ILDR2: variants seen among roughly 807,000 people sequenced by gnomAD.
ILDR2 encodes immunoglobulin like domain containing receptor 2, also known as immunoglobulin-like domain-containing receptor 2.
In ILDR2, 25 loss-of-function variants were observed where a neutral mutation model predicts 66.8. The observed-to-expected ratio is 0.37, with a 90% CI of 0.27 to 0.52. The LOEUF (loss-of-function observed/expected upper bound fraction) is 0.52, where lower values mean the gene tolerates loss of function less well. ILDR2 is among the 20% of genes least tolerant of loss of function. The pLI, the probability that ILDR2 is intolerant of heterozygous loss-of-function variation, is 0.88. For synonymous variants in ILDR2, 367 were observed against 357.2 expected, an observed-to-expected ratio of 1.03 and a Z score of -0.31; for missense variants, 827 against 876.8, an observed-to-expected ratio of 0.94 and a Z score of 0.72.
At chr1:166,899,851 T>C (rs575716258) in intron 2 of ILDR2, among the ~76,000 whole-genome samples, 1 of 152,296 alleles carries the variant, frequency 6.6e-6, no homozygotes, top group Non-Finnish European at 1.5e-5. Context: ...GAGAGCAGAA[T>C]GCAAACAGAT....
At chr1:166,926,629 C>T (rs2101873033) in intron 7 of ILDR2, among the ~76,000 whole-genome samples, 1 of 151,676 alleles carries the variant, frequency 6.6e-6, no homozygotes, top group African/African-American at 2.4e-5. Flanking sequence ...TAAGACATTA[C>T]TTTGAATATA....
rs1659690020 is a variant in ILDR2, at chr1:166,917,542, T to A, written c.*1813A>T. 1 of 152,204 alleles carries A rather than the reference T, an allele frequency of 6.6e-6. No homozygotes were observed. The highest frequency in any genetic ancestry group is 2.1e-4 in the South Asian group (1 of 4,826). The allele number at this position is 152,204 out of a possible 1,614,324, so 9.4% of individuals were successfully genotyped here. A position where few individuals can be genotyped will look rare whatever the true frequency, so the allele number is the denominator to read the frequency against. On this transcript the variant is annotated 3_prime_UTR_variant, in exon 10 of 10. Transcript: ENST00000271417. ...GGGATAGCAAAGTCAAGCATTATCC[T>A]CCACTCCACAAGAGTGCAGGGTGAA...
intron 1 of ILDR2, among the ~76,000 whole-genome samples, chr1:166,972,000 T>A (rs1193722895): frequency 2.0e-5 from 3 of 151,266 alleles, no homozygotes; most frequent in African/African-American, 7.3e-5. Context: ...TCACCTGGGG[T>A]TGGGAGTTTG....
At position 166,909,781 on chromosome 1, in the gene ILDR2, T is replaced by TATATATATATA. The variant is rs1557921377; in HGVS notation, c.*9573_*9574insTATATATATAT. On this transcript the variant is annotated 3_prime_UTR_variant, in exon 10 of 10. Transcript: ENST00000271417. ...TATAAATATATATAAATATATATAT[T>TATATATATATA]TATATATATATATATATATATATAT... 3.6e-4 allele frequency: 23 copies of TATATATATATA among 64,236 alleles called. 1 individual carries two copies. Among genetic ancestry groups the TATATATATATA allele is most frequent in the Non-Finnish European group, 4.6e-4 (16 of 34,818 alleles). 4.0% of individuals were successfully genotyped at this position (64,236 alleles called of 1,614,324 possible).
At chr1:166,962,755 A>T (rs987084283) in intron 1 of ILDR2, among the ~76,000 whole-genome samples, 1 of 152,156 alleles carries the variant, frequency 6.6e-6, no homozygotes, top group Non-Finnish European at 1.5e-5. Flanking sequence ...GATGCCAAAA[A>T]CCAGGTACCA....
Position 166,920,922 on chromosome 1 carries a change from G to C in ILDR2, c.1669C>G (p.Gln557Glu). The C allele has an allele frequency of 5.4e-6, 8 of 1,477,576 alleles. No individual in the cohort carries two copies. The South Asian group carries it at 1.0e-4, about 19-fold the overall frequency. 91.5% of individuals were successfully genotyped at this position (1,477,576 alleles called of 1,614,324 possible). A position where few individuals can be genotyped will look rare whatever the true frequency, so the allele number is the denominator to read the frequency against. ...TAGGAGGCGCTGCGCGGGCCGAGCT[G>C]CGCGCTCCGCTTGGATGGCGTCTCC... ...SLETPSKRSA[Q>E]LGPRSASYYA... is the part of the protein sequence containing the mutation. Residue 557 changes from glutamine (Q) to glutamate (E), a missense_variant, in exon 9 of 10, where the codon CAG becomes GAG. By Grantham distance (29) the Gln-to-Glu change is conservative (BLOSUM62 2). This residue lies in a region of ILDR2 where 390 missense variants were observed against 353.6 expected (regional missense o/e 1.10). Coordinates refer to ENST00000271417, the MANE Select transcript of ILDR2 (RefSeq NM_199351.3).
chr1:166,960,062 C>T (rs1662517922), intron 1 of ILDR2, among the ~76,000 whole-genome samples: 1 of 152,166 alleles, frequency 6.6e-6, no homozygotes, highest in Non-Finnish European at 1.5e-5. Flanking sequence ...TACTGAAGGA[C>T]CCTTGACAAG....
rs1438240429 is a variant in ILDR2, at chr1:166,921,636, T to C, written c.1212-257A>G. Among the ~76,000 whole-genome samples the C allele has an allele frequency of 1.3e-5, 2 of 152,210 alleles. No homozygotes were observed. The highest frequency in any genetic ancestry group is 2.9e-5 in the Non-Finnish European group (2 of 68,026). On this transcript the variant is annotated intron_variant, in intron 8 of 9. Transcript: ENST00000271417. The surrounding 1 kb of genome is among the most constrained non-coding windows in gnomAD (Gnocchi z 5.3). ...TGGATAGAACATATTCTGTATCCTA[T>C]GGAATACTGACCCACCGTGGGGCTG...
At position 166,920,695 on chromosome 1, in the gene ILDR2, A is replaced by T. The variant is rs533045072; in HGVS notation, c.1884+12T>A. The T allele has an allele frequency of 1.4e-6, 2 of 1,380,752 alleles. No individual in the cohort carries two copies. Among genetic ancestry groups the T allele is most frequent in the Non-Finnish European group, 1.9e-6 (2 of 1,062,716 alleles). 85.5% of individuals were successfully genotyped at this position (1,380,752 alleles called of 1,614,324 possible). Reference sequence around the variant, plus strand: ...AGTCCCCTCGGAGGAGGGGAGGCAGACGCAGTCTCACGGTTTTCTTGGCGG... The same window carrying T: ...AGTCCCCTCGGAGGAGGGGAGGCAGTCGCAGTCTCACGGTTTTCTTGGCGG... On this transcript the variant is annotated intron_variant, in intron 9 of 9. Coordinates refer to ENST00000271417, the MANE Select transcript of ILDR2 (RefSeq NM_199351.3).
chr1:166,926,024 T>A (rs769486152), intron 7 of ILDR2, among the ~76,000 whole-genome samples: 2 of 152,178 alleles, frequency 1.3e-5, no homozygotes, highest in Non-Finnish European at 2.9e-5. Context: ...CTGGAAATGG[T>A]CTTTTTATAG....
At chr1:166,937,748 C>G (rs957845633) in intron 4 of ILDR2, among the ~76,000 whole-genome samples, 3 of 152,192 alleles carry the variant, frequency 2.0e-5, no homozygotes, top group Non-Finnish European at 4.4e-5. Flanking sequence ...GAGGCCTGGA[C>G]AGACTGGGGA....
downstream of ILDR2, among the ~76,000 whole-genome samples, chr1:166,906,589 G>A (rs538276313): frequency 6.6e-6 from 1 of 152,344 alleles, no homozygotes; most frequent in African/African-American, 2.4e-5. Flanking sequence ...AAGCTGTGAT[G>A]GCAGAAAAGG....
At chr1:166,961,097 C>CT (rs1212875496) in intron 1 of ILDR2, among the ~76,000 whole-genome samples, 3 of 152,134 alleles carry the variant, frequency 2.0e-5, no homozygotes, top group Non-Finnish European at 2.9e-5. Context: ...CTTAGCCTTT[C>CT]TTTTTTTCTT....
At chr1:166,902,864 T>C (rs1659284409) in intron 2 of ILDR2, among the ~76,000 whole-genome samples, 1 of 152,228 alleles carries the variant, frequency 6.6e-6, no homozygotes, top group Non-Finnish European at 1.5e-5. Context: ...CACTGCTGTT[T>C]CATTAGTTAT....
chr1:166,924,374 C>A (rs1318667611), intron 7 of ILDR2, among the ~76,000 whole-genome samples: 1 of 152,130 alleles, frequency 6.6e-6, no homozygotes, highest in African/African-American at 2.4e-5. Context: ...TCAGAACTTT[C>A]CTTAAACTTC....
At chr1:166,972,501 C>G (rs1301916677) in intron 1 of ILDR2, among the ~76,000 whole-genome samples, 1 of 152,116 alleles carries the variant, frequency 6.6e-6, no homozygotes, top group Non-Finnish European at 1.5e-5. Context: ...AAAATAACAA[C>G]AACAACAGCA....
At chr1:166,966,252 C>T (rs1388850837) in intron 1 of ILDR2, among the ~76,000 whole-genome samples, 1 of 152,208 alleles carries the variant, frequency 6.6e-6, no homozygotes, top group African/African-American at 2.4e-5. Flanking sequence ...AGTTAATCAA[C>T]TTCTTTCCAA....
chr1:166,925,652 C>T (rs138305343), intron 7 of ILDR2, among the ~76,000 whole-genome samples: 4 of 152,278 alleles, frequency 2.6e-5, no homozygotes, highest in East Asian at 3.9e-4. Context: ...GAATCTGGTC[C>T]TAATTGTGTC....
chr1:166,907,847 T>G (rs896159952), downstream of ILDR2, among the ~76,000 whole-genome samples: 9 of 152,094 alleles, frequency 5.9e-5, no homozygotes, highest in Non-Finnish European at 1.2e-4. Context: ...ACTCCCAAAA[T>G]GCAGGGTTTC....
Sources: allele counts gnomAD v4.1 joint callset (sites outside exome capture counted in the v4.1 genomes callset), GRCh38; gene constraint gnomAD v4.1.1; regional missense constraint gnomAD v4.1.1; non-coding constraint Gnocchi (gnomAD v3.1); transcripts MANE v1.5; gene names NCBI Gene and HGNC (gene_info 2026-07-23, HGNC 2026-07-21).